Variants in MYO1D observed in about 807,000 individuals in gnomAD.
The protein encoded by MYO1D is myosin ID.
MYO1D carries 83 observed loss-of-function variants against 122.0 expected under a neutral mutation model. That is an observed-to-expected ratio of 0.68 (90% CI 0.57 to 0.82). The LOEUF (loss-of-function observed/expected upper bound fraction) is 0.82. Among genes scored for constraint, MYO1D ranks in the 40% least tolerant of loss-of-function variants. MYO1D has a pLI of 0.00. For synonymous variants in MYO1D, 464 were observed against 446.9 expected (o/e 1.04, Z -0.48); for missense variants, 1,157 against 1,269.5 (o/e 0.91, Z 1.35).
chr17:32,813,213 T>C (rs530536230), intron 1 of MYO1D, among the ~76,000 whole-genome samples: 3 of 152,318 alleles, frequency 2.0e-5, no homozygotes, highest in Admixed American at 2.0e-4. Flanking sequence ...TACTCATTCA[T>C]CTAACAAATA....
In MYO1D at chr17:32,769,144, GA is replaced by G. The variant is rs1428779783; in HGVS notation, c.715-1393del. On this transcript the variant is annotated intron_variant, in intron 6 of 21. Transcript: ENST00000318217. ...CCATTCTGATCAATACAACATGAGGGAAAGTGTTTATGGGGGATGAGTGGAG... is the reference window on the plus strand; with the variant it reads ...CCATTCTGATCAATACAACATGAGGGAAGTGTTTATGGGGGATGAGTGGAG... Among the ~76,000 whole-genome samples, 5 of 152,328 alleles carry G rather than the reference GA, an allele frequency of 3.3e-5. No homozygotes were observed. In the East Asian group the frequency reaches 5.8e-4, roughly 18 times the overall value.
intron 21 of MYO1D, among the ~76,000 whole-genome samples, chr17:32,573,078 TACTG>T (rs10590259): frequency 0.41 from 61,627 of 151,602 alleles, 13,656 homozygotes; most frequent in Middle Eastern, 0.51. Flanking sequence ...ATTGAAAAAA[TACTG>T]ACTATTATCA....
At chr17:32,669,899 TTTC>T (rs1210924591) in intron 16 of MYO1D, among the ~76,000 whole-genome samples, 1 of 151,528 alleles carries the variant, frequency 6.6e-6, no homozygotes, top group Non-Finnish European at 1.5e-5. Flanking sequence ...CTTTTTCTTT[TTTC>T]TTTTTTTTCA....
At chr17:32,635,665 T>C (rs746252304) in intron 20 of MYO1D, among the ~76,000 whole-genome samples, 8 of 151,662 alleles carry the variant, frequency 5.3e-5, no homozygotes, top group Non-Finnish European at 1.2e-4. Context: ...TGCACTCCAG[T>C]CTGGGTGACA....
chr17:32,659,372 T>C, intron 16 of MYO1D, 34 bp from the exon 17 acceptor site: 1 of 1,602,940 alleles, frequency 6.2e-7, no homozygotes, highest in South Asian at 1.1e-5. Flanking sequence ...GAAAACGTTA[T>C]TGACCGGCTG....
intron 1 of MYO1D, among the ~76,000 whole-genome samples, chr17:32,785,007 A>T (rs2090279203): frequency 6.6e-6 from 1 of 152,174 alleles, no homozygotes; most frequent in African/African-American, 2.4e-5. Context: ...GGAAACAAGG[A>T]ATCAGTGAAG....
intron 12 of MYO1D, among the ~76,000 whole-genome samples, chr17:32,746,386 C>A (rs2089838853): frequency 6.6e-6 from 1 of 152,190 alleles, no homozygotes; most frequent in Non-Finnish European, 1.5e-5. Flanking sequence ...TAGCACCCTT[C>A]CCACTTCTTC....
chr17:32,671,506 A>G (rs2088721080), intron 16 of MYO1D, among the ~76,000 whole-genome samples: 1 of 152,256 alleles, frequency 6.6e-6, no homozygotes, highest in African/African-American at 2.4e-5. Context: ...TGTAAATCTA[A>G]AATTATTTCA....
intron 21 of MYO1D, chr17:32,512,832 C>T (rs1052825480): frequency 3.3e-5 from 5 of 152,264 alleles, no homozygotes; most frequent in Admixed American, 6.5e-5. Flanking sequence ...CCACAGTGGT[C>T]TCCAAGACCC....
chr17:32,826,870 AC>A (rs1014922272), intron 1 of MYO1D, among the ~76,000 whole-genome samples: 3 of 152,230 alleles, frequency 2.0e-5, no homozygotes, highest in African/African-American at 7.2e-5. Context: ...TATATTTTAA[AC>A]TTTTAAAAAA....
At chr17:32,803,384 G>A (rs1030681254) in intron 1 of MYO1D, among the ~76,000 whole-genome samples, 4 of 152,076 alleles carry the variant, frequency 2.6e-5, no homozygotes, top group Admixed American at 2.6e-4. Flanking sequence ...CTGACCTCCT[G>A]ATCTGCCCGC....
At chr17:32,620,974 A>C (rs2087848332) in intron 20 of MYO1D, among the ~76,000 whole-genome samples, 1 of 152,202 alleles carries the variant, frequency 6.6e-6, no homozygotes, top group African/African-American at 2.4e-5. Flanking sequence ...TTTTATTCAG[A>C]TTTTGGAATA....
chr17:32,579,210 G>T (rs777723894), intron 21 of MYO1D, among the ~76,000 whole-genome samples: 1 of 152,026 alleles, frequency 6.6e-6, no homozygotes, highest in African/African-American at 2.4e-5. Context: ...TGGGACTACA[G>T]GTGTGTGCCA....
chr17:32,605,246 A>G lies in MYO1D; in HGVS notation c.2710-5T>C. ...GGAGACACTCAGACCAGTCAACTGCAAAGAGAAAATGCATGGAAAACTATT... is the reference window on the plus strand; with the variant it reads ...GGAGACACTCAGACCAGTCAACTGCGAAGAGAAAATGCATGGAAAACTATT... On this transcript the variant is annotated splice_region_variant and splice_polypyrimidine_tract_variant and intron_variant, in intron 20 of 21. Transcript: ENST00000318217. The G allele has an allele frequency of 1.3e-6, 2 of 1,540,432 alleles. No homozygotes were observed. The highest frequency in any genetic ancestry group is 1.8e-6 in the Non-Finnish European group (2 of 1,131,796).
At chr17:32,748,020 A>G (rs1269118628) in intron 12 of MYO1D, among the ~76,000 whole-genome samples, 1 of 152,110 alleles carries the variant, frequency 6.6e-6, no homozygotes, top group Admixed American at 6.5e-5. Flanking sequence ...CCCTGCTGAC[A>G]TCTTGATTTT....
chr17:32,807,424 A>G (rs1348128310), intron 1 of MYO1D, among the ~76,000 whole-genome samples: 1 of 152,238 alleles, frequency 6.6e-6, no homozygotes. Context: ...TACGTGTCAT[A>G]TTAATATATC....
chr17:32,748,935 C>T lies in MYO1D; in HGVS notation c.1538+1G>A. 6.2e-7 allele frequency: 1 copy of T among 1,612,202 alleles called. No homozygotes were observed. The highest frequency in any genetic ancestry group is 8.5e-7 in the Non-Finnish European group (1 of 1,178,270). On this transcript the variant is annotated splice_donor_variant, in intron 12 of 21. Transcript: ENST00000318217. LOFTEE classifies it high-confidence loss of function. ...GGTAGGTACCAAGGTAAGATACTCA[C>T]ACTACATCGCCTGCATAATGTCGAA...
intron 1 of MYO1D, among the ~76,000 whole-genome samples, chr17:32,815,318 C>T (rs2090604572): frequency 6.6e-6 from 1 of 152,266 alleles, no homozygotes; most frequent in African/African-American, 2.4e-5. Context: ...AAAAGATTTT[C>T]CAGCTCTTGA....
At chr17:32,551,615 C>T (rs73276372) in intron 21 of MYO1D, among the ~76,000 whole-genome samples, 3,053 of 152,022 alleles carry the variant, frequency 0.02, 95 homozygotes, top group African/African-American at 0.069. Context: ...ATGTATGTGG[C>T]TTTTCCCTTC....
Sources: gnomAD v4.1 joint callset for allele counts (sites outside exome capture counted in the v4.1 genomes callset) on GRCh38, gnomAD v4.1.1 for gene constraint, MANE v1.5 for transcripts, NCBI Gene and HGNC (gene_info 2026-07-23, HGNC 2026-07-21) for gene names.